Variants in SCN8A observed in about 807,000 individuals in gnomAD.
SCN8A encodes the protein sodium voltage-gated channel alpha subunit 8, also known as sodium channel protein type 8 subunit alpha.
SCN8A carries 30 observed loss-of-function variants against 184.1 expected under a neutral mutation model. The ratio of observed to expected loss-of-function variants is 0.16; its 90% CI spans 0.12 to 0.22. The LOEUF (loss-of-function observed/expected upper bound fraction) is 0.22, where lower values mean the gene tolerates loss of function less well. SCN8A is among the 10% of genes least tolerant of loss of function. SCN8A has a pLI of 1.00. For missense variants in SCN8A, 1,057 were observed against 2,498.9 expected, an observed-to-expected ratio of 0.42 and a Z score of 12.30; for synonymous variants, 852 against 907.0, an observed-to-expected ratio of 0.94 and a Z score of 1.09.
At chr12:51,662,333 T>C (rs914487833) in intron 1 of SCN8A, among the ~76,000 whole-genome samples, 7 of 152,240 alleles carry the variant, frequency 4.6e-5, no homozygotes, top group African/African-American at 1.2e-4. Context: ...TTTATCCTCA[T>C]CTTGCCCTTG....
chr12:51,780,941 G>A (rs968954836), intron 21 of SCN8A, among the ~76,000 whole-genome samples, 170 bp downstream of exon 21: 5 of 152,070 alleles, frequency 3.3e-5, no homozygotes, highest in Admixed American at 2.6e-4. Flanking sequence ...GGGGAATTGC[G>A]TTAAGCTGCC....
At position 51,678,497 on chromosome 12, in the gene SCN8A, C is replaced by T. The variant is rs544620209; in HGVS notation, c.277-5677C>T. 1.8e-4 allele frequency among the ~76,000 whole-genome samples: 27 copies of T among 152,314 alleles called. No individual in the cohort carries two copies. In the East Asian group the frequency reaches 3.7e-3, roughly 21 times the overall value. On this transcript the variant is annotated intron_variant, in intron 2 of 26. Coordinates refer to ENST00000627620, the MANE Select transcript of SCN8A (RefSeq NM_001330260.2). ...TGGATGCTCTGTGAATTTTCTAAAT[C>T]GTAGAATTACAGATATCAGTGCTGG... is the stretch of plus-strand genomic sequence containing the variant.
chr12:51,731,049 C>A (rs1181931134), intron 12 of SCN8A, among the ~76,000 whole-genome samples: 1 of 152,086 alleles, frequency 6.6e-6, no homozygotes, highest in Non-Finnish European at 1.5e-5. Flanking sequence ...GGATCTCAGT[C>A]TTTTTTTATG....
In SCN8A at chr12:51,669,004, C is replaced by T. The variant is rs929028950; in HGVS notation, c.276+5911C>T. On this transcript the variant is annotated intron_variant, in intron 2 of 26. Transcript: ENST00000627620. ...AGGCTATATGGTATAGCCTATTGCT[C>T]CCAGGCTACACACCTGTACAGCATG... 3.3e-5 allele frequency among the ~76,000 whole-genome samples: 5 copies of T among 152,154 alleles called. No individual in the cohort carries two copies. In the East Asian group the frequency reaches 5.8e-4, roughly 18 times the overall value.
chr12:51,715,818 G>A (rs1341630748), intron 11 of SCN8A, among the ~76,000 whole-genome samples: 1 of 152,192 alleles, frequency 6.6e-6, no homozygotes, highest in Non-Finnish European at 1.5e-5. Flanking sequence ...AGCTTGCTGT[G>A]AGAAGTGAAG....
At chr12:51,689,147 T>C in intron 6 of SCN8A, 51 bp downstream of exon 6, 1 of 1,331,656 alleles carries the variant, frequency 7.5e-7, no homozygotes, top group Non-Finnish European at 1.1e-6. Flanking sequence ...CTCTTTCTCC[T>C]CCATTCGTTT....
At chr12:51,676,578 A>G (rs1421170602) in intron 2 of SCN8A, among the ~76,000 whole-genome samples, 1 of 152,222 alleles carries the variant, frequency 6.6e-6, no homozygotes, top group African/African-American at 2.4e-5. Context: ...GTTCAGAAAG[A>G]GGTGCATAGG....
intron 21 of SCN8A, among the ~76,000 whole-genome samples, chr12:51,783,011 A>G (rs1488994109): frequency 6.6e-6 from 1 of 152,246 alleles, no homozygotes; most frequent in East Asian, 1.9e-4. Flanking sequence ...GTCAAGAACA[A>G]GTTTGAACCC....
At chr12:51,611,501 TG>T (rs1286909544) in intron 1 of SCN8A, among the ~76,000 whole-genome samples, 1 of 152,032 alleles carries the variant, frequency 6.6e-6, no homozygotes, top group African/African-American at 2.4e-5. Context: ...TTTGTTTGTT[TG>T]TTTGTTTGTT....
At chr12:51,677,051 G>GTTTTA (rs1182663749) in intron 2 of SCN8A, among the ~76,000 whole-genome samples, 4 of 143,130 alleles carry the variant, frequency 2.8e-5, no homozygotes, top group Admixed American at 2.2e-4. Context: ...ATCCTTTATT[G>GTTTTA]TTTTGTTTTA....
At chr12:51,703,473 T>A (rs1482065105) in intron 9 of SCN8A, among the ~76,000 whole-genome samples, 1 of 152,200 alleles carries the variant, frequency 6.6e-6, no homozygotes, top group Non-Finnish European at 1.5e-5. Context: ...CACCTCTTTG[T>A]GCAAGGCACT....
intron 1 of SCN8A, among the ~76,000 whole-genome samples, chr12:51,640,258 C>T (rs1414206909): frequency 2.0e-5 from 2 of 100,500 alleles, no homozygotes; most frequent in African/African-American, 8.0e-5. Flanking sequence ...TTTTTTAAGA[C>T]AGTGCTTTCC....
chr12:51,674,124 G>A (rs535435278), intron 2 of SCN8A, among the ~76,000 whole-genome samples: 1 of 152,282 alleles, frequency 6.6e-6, no homozygotes, highest in South Asian at 2.1e-4. Flanking sequence ...AAAGCCTAGA[G>A]GCAGGTTGGA....
intron 6 of SCN8A, among the ~76,000 whole-genome samples, chr12:51,696,278 G>C (rs1941591371): frequency 6.6e-6 from 1 of 152,152 alleles, no homozygotes; most frequent in African/African-American, 2.4e-5. Context: ...ACCCATTCAA[G>C]TATTATTTTT....
At chr12:51,743,380 G>A (rs930901276) in intron 12 of SCN8A, among the ~76,000 whole-genome samples, 2 of 152,100 alleles carry the variant, frequency 1.3e-5, no homozygotes, top group African/African-American at 2.4e-5. Flanking sequence ...GTATTCGAAG[G>A]AATTTGAGCC....
At chr12:51,648,045 CTG>C (rs60995238) in intron 1 of SCN8A, among the ~76,000 whole-genome samples, 108,969 of 151,890 alleles carry the variant, frequency 0.72, 41,891 homozygotes, top group East Asian at 0.86. Flanking sequence ...CTGCTGCAAA[CTG>C]GCCTCTGGGG....
chr12:51,748,214 T>C (rs568467450), intron 13 of SCN8A, among the ~76,000 whole-genome samples: 2 of 152,224 alleles, frequency 1.3e-5, no homozygotes, highest in Non-Finnish European at 2.9e-5. Context: ...ATTGTAGTTC[T>C]TGCTCTCAGA....
At chr12:51,713,031 A>G (rs1941906769) in intron 11 of SCN8A, 3 of 1,554,482 alleles carry the variant, frequency 1.9e-6, no homozygotes, top group African/African-American at 2.7e-5. Context: ...AATTATGCCC[A>G]TTAATAGTGT....
chr12:51,592,952 T>A (rs1265752902), intron 1 of SCN8A, among the ~76,000 whole-genome samples: 1 of 152,058 alleles, frequency 6.6e-6, no homozygotes, highest in Non-Finnish European at 1.5e-5. Flanking sequence ...TTTATTCTTT[T>A]CTCAAAAAAA....
Sources: allele counts gnomAD v4.1 joint callset (sites outside exome capture counted in the v4.1 genomes callset), GRCh38; gene constraint gnomAD v4.1.1; transcripts MANE v1.5; gene names NCBI Gene and HGNC (gene_info 2026-07-23, HGNC 2026-07-21).